The following ZNF587B variants were observed in gnomAD, a reference collection of about 807,000 sequenced individuals.
ZNF587B encodes zinc finger protein 587B.
Under a neutral mutation model 7.2 loss-of-function variants are expected in ZNF587B, and 6 were observed. The observed-to-expected ratio is 0.83, with a 90% CI of 0.46 to 1.65. The LOEUF is 1.65. Ranked by LOEUF, ZNF587B falls within the 40% of genes most tolerant of loss-of-function variation. ZNF587B has a pLI of 0.01. For missense variants in ZNF587B, 749 were observed against 761.0 expected (o/e 0.98, Z 0.19); for synonymous variants, 274 against 254.3 (o/e 1.08, Z -0.74).
chr19:57,842,519 T>C lies in ZNF587B; in HGVS notation c.1845T>C (p.Phe615=), dbSNP rs1048874741. Residue 615 remains phenylalanine (F), a synonymous_variant, in exon 3 of 3, where the codon TTT becomes TTC. Coordinates refer to ENST00000594901, the MANE Select transcript of ZNF587B (RefSeq NM_001376223.1). ...GGTGTAGTGAATGTGAAAAAAAATT[T>C]AGGAAAAGCTCTTCACTTCGTTACC... The part of the protein sequence containing the change: ...PYGCSECEKK[F]RKSSSLRYHQ... 2 of 1,556,086 alleles carry C rather than the reference T, an allele frequency of 1.3e-6. No homozygotes were observed. Among genetic ancestry groups the C allele is most frequent in the African/African-American group, 2.8e-5 (2 of 72,550 alleles).
chr19:57,841,697 T>TA lies in ZNF587B; in HGVS notation c.1025dup (p.Ser343GlufsTer18), dbSNP rs1321193554. On this transcript the variant is annotated frameshift_variant, in exon 3 of 3. Transcript: ENST00000594901. LOFTEE classifies it low-confidence loss of function (END_TRUNC). ...AATCTTTTAGTTCAAACGTGAACCT[T>TA]AAGAGTCATCAGCGCATTCACACTG... 3.7e-6 allele frequency: 6 copies of TA among 1,606,720 alleles called. No homozygotes were observed. The highest frequency in any genetic ancestry group is 5.1e-6 in the Non-Finnish European group (6 of 1,176,876).
chr19:57,840,075 C>CAAAAAAAAAAAAAAAAA (rs774635301), intron 2 of ZNF587B, among the ~76,000 whole-genome samples: 1 of 81,112 alleles, frequency 1.2e-5, no homozygotes, highest in Non-Finnish European at 2.5e-5. Flanking sequence ...ACTCTGTCTC[C>CAAAAAAAAAAAAAAAAA]AAAAAAAAAA....
At position 57,841,903 on chromosome 19, in the gene ZNF587B, A is replaced by G; in HGVS notation, c.1229A>G (p.Tyr410Cys). Residue 410 changes from tyrosine to cysteine, a missense_variant, in exon 3 of 3, where the codon TAC (tyrosine) becomes TGC (cysteine). Physicochemically the swap from Tyr to Cys is radical, Grantham distance 194. This residue lies in a region of ZNF587B where 656 missense variants were observed against 596.5 expected (regional missense o/e 1.10). Transcript: ENST00000594901. ...HQRMHTGERP[Y>C]KCGDCGKSFN... is the part of the protein sequence containing the mutation. ...CGCATGCACACTGGAGAAAGACCTT[A>G]CAAGTGTGGAGACTGTGGGAAATCT... 2 of 1,613,950 alleles carry G rather than the reference A, an allele frequency of 1.2e-6. No homozygotes were observed. The highest frequency in any genetic ancestry group is 1.1e-5 in the South Asian group (1 of 91,068).
chr19:57,838,746 G>A (rs540689799), intron 1 of ZNF587B, among the ~76,000 whole-genome samples: 2 of 152,220 alleles, frequency 1.3e-5, no homozygotes, highest in East Asian at 3.8e-4. Context: ...TATCTCTGCT[G>A]TGCTGAAGGT....
At position 57,842,539 on chromosome 19, in the gene ZNF587B, G is replaced by T. The variant is rs759087748; in HGVS notation, c.1865G>T (p.Arg622Leu). Residue 622 changes from arginine (R) to leucine (L), a missense_variant, in exon 3 of 3, where the codon CGT becomes CTT. Transcript: ENST00000594901. ...AAATTTAGGAAAAGCTCTTCACTTC[G>T]TTACCATCAGAGAGTTCATGAAAGA... The part of the protein sequence containing the change: ...EKKFRKSSSL[R>L]YHQRVHERKA... The T allele has an allele frequency of 6.5e-7, 1 of 1,543,820 alleles. No homozygotes were observed. The highest frequency in any genetic ancestry group is 1.4e-5 in the African/African-American group (1 of 72,564).
At position 57,842,518 on chromosome 19, in the gene ZNF587B, T is replaced by C; in HGVS notation, c.1844T>C (p.Phe615Ser). Residue 615 changes from phenylalanine to serine, a missense_variant, in exon 3 of 3, where the codon TTT becomes TCT. Physicochemically the swap from Phe to Ser is radical, Grantham distance 155. Around this residue, in one of 3 missense-constraint regions of ZNF587B, gnomAD observed 656 missense variants for 596.5 expected, o/e 1.10. Coordinates refer to ENST00000594901, the MANE Select transcript of ZNF587B (RefSeq NM_001376223.1). Reference protein sequence around the residue: ...PYGCSECEKKFRKSSSLRYHQ... With the variant: ...PYGCSECEKKSRKSSSLRYHQ... ...GGGTGTAGTGAATGTGAAAAAAAAT[T>C]TAGGAAAAGCTCTTCACTTCGTTAC... 6.4e-7 allele frequency: 1 copy of C among 1,557,756 alleles called. No homozygotes were observed.
At chr19:57,837,737 G>T (rs960354965) in intron 1 of ZNF587B, among the ~76,000 whole-genome samples, 1 of 151,446 alleles carries the variant, frequency 6.6e-6, no homozygotes, top group African/African-American at 2.4e-5. Flanking sequence ...CATGAGCCAC[G>T]CCCCCGGCCT....
In ZNF587B at chr19:57,840,932, G is replaced by A; in HGVS notation, c.258G>A (p.Val86=). The A allele has an allele frequency of 3.2e-6, 5 of 1,578,758 alleles. No homozygotes were observed. The highest frequency in any genetic ancestry group is 4.3e-6 in the Non-Finnish European group (5 of 1,161,512). The change falls in exon 3 of 3, where the codon GTG becomes GTA. Residue 86 remains valine (V), a synonymous_variant. Transcript: ENST00000594901. The part of the protein sequence containing the change: ...ETQVRTPVTG[V]SPKKAHPCEM... ...AGGTCAGGACTCCTGTGACAGGTGTGTCTCCCAAGAAGGCCCACCCCTGTG... is the reference window on the plus strand; with the variant it reads ...AGGTCAGGACTCCTGTGACAGGTGTATCTCCCAAGAAGGCCCACCCCTGTG...
chr19:57,837,877 G>C (rs929564142), intron 1 of ZNF587B, among the ~76,000 whole-genome samples: 2 of 151,904 alleles, frequency 1.3e-5, no homozygotes, highest in Non-Finnish European at 2.9e-5. Flanking sequence ...GAGCCACCAC[G>C]CCTGGCTCAA....
chr19:57,843,452 C>T lies in ZNF587B; in HGVS notation c.*876C>T, dbSNP rs942339309. 32 of 985,304 alleles carry T rather than the reference C, an allele frequency of 3.2e-5. No homozygotes were observed. Among genetic ancestry groups the T allele is most frequent in the Admixed American group, 6.1e-5 (1 of 16,266 alleles). The allele number at this position is 985,304 out of a possible 1,614,324, so 61.0% of individuals were successfully genotyped here. On this transcript the variant is annotated 3_prime_UTR_variant, in exon 3 of 3. Coordinates refer to ENST00000594901, the MANE Select transcript of ZNF587B (RefSeq NM_001376223.1). ...GCCACTTATCTGGCAAAAGCCATTACATCTCAGCTACTTGGTAGGTACCCA... is the reference window on the plus strand; with the variant it reads ...GCCACTTATCTGGCAAAAGCCATTATATCTCAGCTACTTGGTAGGTACCCA...
At chr19:57,837,656 G>A (rs1177095731) in intron 1 of ZNF587B, among the ~76,000 whole-genome samples, 2 of 152,036 alleles carry the variant, frequency 1.3e-5, no homozygotes, top group African/African-American at 2.4e-5. Flanking sequence ...CACCGTGTTA[G>A]GCAGGATGGT....
Position 57,839,131 on chromosome 19 carries a change from G to C in ZNF587B, c.145G>C (p.Ala49Pro). 6.2e-7 allele frequency: 1 copy of C among 1,614,168 alleles called. No homozygotes were observed. The highest frequency in any genetic ancestry group is 8.5e-7 in the Non-Finnish European group (1 of 1,180,022). ...LYRDVTLENL[A>P]LMSSLGCWCG... ...CCGTGATGTGACTCTGGAGAACCTG[G>C]CACTTATGTCCTCCCTGGGTAAGTT... Residue 49 changes from alanine to proline, a missense_variant, in exon 2 of 3, where the codon GCA becomes CCA. By Grantham distance (27) the Ala-to-Pro change is conservative (BLOSUM62 -1). Around this residue, in one of 3 missense-constraint regions of ZNF587B, gnomAD observed 72 missense variants for 147.8 expected, o/e 0.49. Coordinates refer to ENST00000594901, the MANE Select transcript of ZNF587B (RefSeq NM_001376223.1).
chr19:57,842,896 T>C lies in ZNF587B; in HGVS notation c.*320T>C, dbSNP rs1988912779. On this transcript the variant is annotated 3_prime_UTR_variant, in exon 3 of 3. Coordinates refer to ENST00000594901, the MANE Select transcript of ZNF587B (RefSeq NM_001376223.1). ...CTACGGAAATGCCTTTTGAATGTAA[T>C]GTTTGCAAAAAAGCACTGTGCCTTC... 1.0e-6 allele frequency: 1 copy of C among 985,358 alleles called. No homozygotes were observed. The highest frequency in any genetic ancestry group is 1.2e-6 in the Non-Finnish European group (1 of 829,904). The allele number at this position is 985,358 out of a possible 1,614,324, so 61.0% of individuals were successfully genotyped here. A position where few individuals can be genotyped will look rare whatever the true frequency, so the allele number is the denominator to read the frequency against.
rs145250204 is a variant in ZNF587B at position 57,834,857 on chromosome 19, G to A, written c.37-4166G>A. ...GAGACTCTCTCTTAAAAAAAAAAAAGAAAAAAAAAAGGTGTTCTGTTAAGG... is the reference window on the plus strand; with the variant it reads ...GAGACTCTCTCTTAAAAAAAAAAAAAAAAAAAAAAAGGTGTTCTGTTAAGG... On this transcript the variant is annotated intron_variant, in intron 1 of 2. Transcript: ENST00000594901. 1.4e-3 allele frequency among the ~76,000 whole-genome samples: 173 copies of A among 124,728 alleles called. No individual in the cohort carries two copies. The East Asian group carries it at 0.032, about 23-fold the overall frequency. 81.8% of individuals were successfully genotyped at this position (124,728 alleles called of 152,430 possible). A position where few individuals can be genotyped will look rare whatever the true frequency, so the allele number is the denominator to read the frequency against.
chr19:57,838,951 G>C (rs1988736131), intron 1 of ZNF587B, 72 bp from the exon 2 acceptor site: 1 of 1,530,516 alleles, frequency 6.5e-7, no homozygotes. Flanking sequence ...GAGAGTAGAT[G>C]TGTGGGAGAG....
chr19:57,836,991 C>T (rs1988639181), intron 1 of ZNF587B, among the ~76,000 whole-genome samples: 1 of 147,536 alleles, frequency 6.8e-6, no homozygotes, highest in East Asian at 2.0e-4. Context: ...AGGAATGTAT[C>T]CTAGCCTCTG....
At chr19:57,836,651 T>C (rs1280367047) in intron 1 of ZNF587B, among the ~76,000 whole-genome samples, 2 of 152,132 alleles carry the variant, frequency 1.3e-5, no homozygotes, top group African/African-American at 4.8e-5. Context: ...ACACCATGAC[T>C]GGCCACTTCA....
rs966015261 is a variant in ZNF587B, at chr19:57,843,211, C to G, written c.*635C>G. ...TTTTACCATGTTTCCAGGCTGGTAT[C>G]GAACTCCTGAGCTCAAGCAATCTGT... On this transcript the variant is annotated 3_prime_UTR_variant, in exon 3 of 3. Transcript: ENST00000594901. 1.2e-6 allele frequency: 1 copy of G among 800,356 alleles called. No homozygotes were observed. The highest frequency in any genetic ancestry group is 5.7e-5 in the South Asian group (1 of 17,510). The allele number at this position is 800,356 out of a possible 1,614,324, so 49.6% of individuals were successfully genotyped here.
In ZNF587B at chr19:57,841,796, C is replaced by T. The variant is rs1169892111; in HGVS notation, c.1122C>T (p.Arg374=). 1.9e-6 allele frequency: 3 copies of T among 1,610,534 alleles called. No individual in the cohort carries two copies. The highest frequency in any genetic ancestry group is 2.5e-6 in the Non-Finnish European group (3 of 1,178,618). ...SRKPSLSYHQ[R]IHTEVRPYKC... ...AGCCCAGCCTTAGTTACCATCAGCG[C>T]ATTCACACTGAAGTAAGACCTTACA... The change falls in exon 3 of 3, where the codon CGC becomes CGT. Residue 374 remains arginine, a synonymous_variant. Coordinates refer to ENST00000594901, the MANE Select transcript of ZNF587B (RefSeq NM_001376223.1).
Sources: allele counts gnomAD v4.1 joint callset (sites outside exome capture counted in the v4.1 genomes callset), GRCh38; gene constraint gnomAD v4.1.1; regional missense constraint gnomAD v4.1.1; transcripts MANE v1.5; gene names NCBI Gene and HGNC (gene_info 2026-07-23, HGNC 2026-07-21).